Variants in PRAMEF1 observed in about 807,000 individuals in gnomAD.
PRAMEF1 encodes PRAME family member 1.
A neutral mutation model predicts 38.2 loss-of-function variants in PRAMEF1; 21 were observed. The ratio of observed to expected loss-of-function variants is 0.55; its 90% CI spans 0.39 to 0.79. The LOEUF (loss-of-function observed/expected upper bound fraction) is 0.79. PRAMEF1 is among the 30% of genes least tolerant of loss of function. The pLI, the probability that PRAMEF1 is intolerant of heterozygous loss-of-function variation, is 0.00. For synonymous variants in PRAMEF1, 200 were observed against 229.0 expected, an observed-to-expected ratio of 0.87 and a Z score of 1.14; for missense variants, 497 against 565.8, an observed-to-expected ratio of 0.88 and a Z score of 1.23.
Position 12,795,632 on chromosome 1 carries a change from T to C in PRAMEF1, c.1061T>C (p.Leu354Pro), listed in dbSNP as rs769555474. The change falls in exon 4 of 4, where the codon CTC (leucine) becomes CCC (proline). Residue 354 changes from leucine (L) to proline (P), a missense_variant. Leu to Pro is a moderately conservative substitution (Grantham distance 98). Transcript: ENST00000332296. Reference sequence around the variant, plus strand: ...AAAATTGCTGCCTCTCTCAAAACCCTCATCTTGGAGGGCTGTCAGATCCAC... The same window carrying C: ...AAAATTGCTGCCTCTCTCAAAACCCCCATCTTGGAGGGCTGTCAGATCCAC... ...LEKIAASLKT[L>P]ILEGCQIHYS... 1 of 1,611,540 alleles carries C rather than the reference T, an allele frequency of 6.2e-7. No individual in the cohort carries two copies. The highest frequency in any genetic ancestry group is 8.5e-7 in the Non-Finnish European group (1 of 1,179,666).
At position 12,795,520 on chromosome 1, in the gene PRAMEF1, C is replaced by T. The variant is rs368100225; in HGVS notation, c.949C>T (p.Pro317Ser). The change falls in exon 4 of 4, where the codon CCA becomes TCA. Residue 317 changes from proline (P) to serine (S), a missense_variant. Around this residue, in one of 2 missense-constraint regions of PRAMEF1, gnomAD observed 470 missense variants for 501.9 expected, o/e 0.94. Transcript: ENST00000332296. ...EEDMKCLSQY[P>S]SLGYLKHLNL... ...AGACATGAAGTGTCTCTCCCAGTAC[C>T]CAAGCCTCGGTTACCTAAAGCATCT... 1 of 1,612,342 alleles carries T rather than the reference C, an allele frequency of 6.2e-7. No homozygotes were observed. Among genetic ancestry groups the T allele is most frequent in the African/African-American group, 1.3e-5 (1 of 74,734 alleles).
intron 1 of PRAMEF1, 61 bp downstream of exon 1, chr1:12,791,535 G>C (rs1464496449): frequency 2.0e-5 from 3 of 148,102 alleles, no homozygotes; most frequent in Non-Finnish European, 4.5e-5. Context: ...GTCAGGGACG[G>C]TGACACACAT....
Position 12,794,219 on chromosome 1 carries a change from T to C in PRAMEF1, c.592T>C (p.Ser198Pro), listed in dbSNP as rs767710281. The change falls in exon 3 of 4, where the codon TCA becomes CCA. Residue 198 changes from serine to proline, a missense_variant. Coordinates refer to ENST00000332296, the MANE Select transcript of PRAMEF1 (RefSeq NM_023013.4). ...YLTPIKYLRKSLKIIYLNSIQ... is the reference protein window; with the variant it reads ...YLTPIKYLRKPLKIIYLNSIQ... The stretch of plus-strand genomic sequence containing the variant: ...AACGCCGATTAAATATCTCAGAAAG[T>C]CATTGAAAATAATATACCTGAATAG... 4.8e-5 allele frequency: 77 copies of C among 1,611,364 alleles called. 2 individuals are homozygous for C. In the Admixed American group the frequency reaches 1.3e-3, roughly 27 times the overall value.
rs548509747 is a variant in PRAMEF1, at chr1:12,791,468, A to G, written c.-32A>G. ...TCCCAGAACTCTGCGAAGTGAGTCC[A>G]GCGCTGGTAAGTCACCACCTGCTTA... On this transcript the variant is annotated 5_prime_UTR_variant, in exon 1 of 4. Transcript: ENST00000332296. The G allele has an allele frequency of 1.4e-5, 2 of 147,212 alleles. No homozygotes were observed. The highest frequency in any genetic ancestry group is 2.3e-4 in the South Asian group (1 of 4,334). 9.1% of individuals were successfully genotyped at this position (147,212 alleles called of 1,614,324 possible).
chr1:12,794,411 G>A lies in PRAMEF1; in HGVS notation c.784G>A (p.Val262Met). ...EGRLVAKFSS[V>M]FLRLEHLQLL... ...ACGGTTAGTTGCCAAATTCAGCTCT[G>A]TGTTCCTCAGGCTGGAACACCTTCA... The change falls in exon 3 of 4, where the codon GTG becomes ATG. Residue 262 changes from valine to methionine, a missense_variant. Coordinates refer to ENST00000332296, the MANE Select transcript of PRAMEF1 (RefSeq NM_023013.4). 2 of 1,610,586 alleles carry A rather than the reference G, an allele frequency of 1.2e-6. No individual in the cohort carries two copies. The highest frequency in any genetic ancestry group is 2.2e-5 in the East Asian group (1 of 44,498).
Position 12,793,974 on chromosome 1 carries a change from G to C in PRAMEF1, c.347G>C (p.Trp116Ser). 1 of 1,608,914 alleles carries C rather than the reference G, an allele frequency of 6.2e-7. No individual in the cohort carries two copies. Among genetic ancestry groups the C allele is most frequent in the Non-Finnish European group, 8.5e-7 (1 of 1,178,400 alleles). ...RDVDENFWARWPGAWALSCFP... is the reference protein window; with the variant it reads ...RDVDENFWARSPGAWALSCFP... ...GTTGACGAGAATTTCTGGGCCAGAT[G>C]GCCTGGAGCCTGGGCCCTGTCCTGC... Residue 116 changes from tryptophan to serine, a missense_variant, in exon 3 of 4, where the codon TGG becomes TCG. Around this residue, in one of 2 missense-constraint regions of PRAMEF1, gnomAD observed 470 missense variants for 501.9 expected, o/e 0.94. Transcript: ENST00000332296.
chr1:12,794,710 G>A (rs533636427), intron 3 of PRAMEF1: 3 of 1,436,158 alleles, frequency 2.1e-6, no homozygotes, highest in South Asian at 1.4e-5. Flanking sequence ...TGGGGTAGAA[G>A]CTAGAGAGGG....
In PRAMEF1 at chr1:12,795,656, A is replaced by G; in HGVS notation, c.1085A>G (p.His362Arg). ...KTLILEGCQIHYSQLSAILPG... is the reference protein window; with the variant it reads ...KTLILEGCQIRYSQLSAILPG... ...CTCATCTTGGAGGGCTGTCAGATCC[A>G]CTACTCCCAACTCAGTGCCATCCTG... Residue 362 changes from histidine to arginine, a missense_variant, in exon 4 of 4, where the codon CAC becomes CGC. Around this residue, in one of 2 missense-constraint regions of PRAMEF1, gnomAD observed 470 missense variants for 501.9 expected, o/e 0.94. Coordinates refer to ENST00000332296, the MANE Select transcript of PRAMEF1 (RefSeq NM_023013.4). 1 of 1,611,264 alleles carries G rather than the reference A, an allele frequency of 6.2e-7. No homozygotes were observed.
rs201505067 is a variant in PRAMEF1, at chr1:12,793,326, G to T, written c.99G>T (p.Arg33Ser). Residue 33 changes from arginine to serine, a missense_variant, in exon 2 of 4, where the codon AGG becomes AGT. Physicochemically the swap from Arg to Ser is moderately radical, Grantham distance 110. Transcript: ENST00000332296. ...TCTCTGCCATGGAGGAGCTGCCCAG[G>T]GTGCTCTATCTCCCACTCTTCATGG... ...LSISAMEELPRVLYLPLFMEA... is the reference protein window; with the variant it reads ...LSISAMEELPSVLYLPLFMEA... 2 of 1,608,842 alleles carry T rather than the reference G, an allele frequency of 1.2e-6. No homozygotes were observed. The highest frequency in any genetic ancestry group is 2.3e-5 in the East Asian group (1 of 44,390).
At chr1:12,792,144 C>G (rs1639304551) in intron 1 of PRAMEF1, among the ~76,000 whole-genome samples, 1 of 150,906 alleles carries the variant, frequency 6.6e-6, no homozygotes, top group Non-Finnish European at 1.5e-5. Flanking sequence ...GCTTCAGCCT[C>G]CTGAGTAGCT....
At chr1:12,795,309 T>A in intron 3 of PRAMEF1, 129 bp from the exon 4 acceptor site, 1 of 768,742 alleles carries the variant, frequency 1.3e-6, no homozygotes, top group East Asian at 2.7e-5. Context: ...TGCAGCAACT[T>A]CCATGAGGAC....
rs764468920 is a variant in PRAMEF1, at chr1:12,794,165, C to T, written c.538C>T (p.Leu180=). ...TTACCAAAGGAGAGGTTTAGTACAC[C>T]TGTGCTGTAGTAAGCTGGTCAATTA... ...WVYQRRGLVH[L]CCSKLVNYLT... is the part of the protein sequence containing the mutation. Residue 180 remains leucine, a synonymous_variant, in exon 3 of 4, where the codon CTG becomes TTG. Coordinates refer to ENST00000332296, the MANE Select transcript of PRAMEF1 (RefSeq NM_023013.4). 1.2e-6 allele frequency: 2 copies of T among 1,611,194 alleles called. No homozygotes were observed. The highest frequency in any genetic ancestry group is 3.3e-5 in the Admixed American group (2 of 59,826).
At chr1:12,791,978 G>T (rs945161491) in intron 1 of PRAMEF1, among the ~76,000 whole-genome samples, 4 of 151,084 alleles carry the variant, frequency 2.6e-5, no homozygotes, top group African/African-American at 9.7e-5. Context: ...CTTCATCTTA[G>T]AGTTACAGTG....
chr1:12,796,551 A>C lies in PRAMEF1; in HGVS notation c.*555A>C, dbSNP rs1265589368. 6.5e-6 allele frequency: 1 copy of C among 154,902 alleles called. No individual in the cohort carries two copies. Among genetic ancestry groups the C allele is most frequent in the East Asian group, 1.9e-4 (1 of 5,150 alleles). The allele number at this position is 154,902 out of a possible 1,614,324, so 9.6% of individuals were successfully genotyped here. On this transcript the variant is annotated 3_prime_UTR_variant, in exon 4 of 4. Transcript: ENST00000332296. ...GTTATCGAGTTACGGATGGAAAAATAACGAAATACTAATTTGTCTGTGATT... is the reference window on the plus strand; with the variant it reads ...GTTATCGAGTTACGGATGGAAAAATCACGAAATACTAATTTGTCTGTGATT...
intron 2 of PRAMEF1, 129 bp from the exon 3 acceptor site, chr1:12,793,786 G>T (rs1451609627): frequency 2.1e-6 from 3 of 1,421,470 alleles, no homozygotes; most frequent in South Asian, 1.4e-5. Context: ...AGGGAACAGG[G>T]ATTGAGAAAA....
rs759840973 is a variant in PRAMEF1, at chr1:12,794,853, A to G, written c.866+360A>G. On this transcript the variant is annotated intron_variant, in intron 3 of 3. Coordinates refer to ENST00000332296, the MANE Select transcript of PRAMEF1 (RefSeq NM_023013.4). ...TAGAGGAGGGTATGAAAGGAGGGAA[A>G]GCGCATCAAACCTGTCCATTTCACA... 42 of 1,332,190 alleles carry G rather than the reference A, an allele frequency of 3.2e-5. 1 individual carries two copies. In the South Asian group the frequency reaches 4.9e-4, roughly 15 times the overall value. 82.5% of individuals were successfully genotyped at this position (1,332,190 alleles called of 1,614,324 possible).
intron 1 of PRAMEF1, among the ~76,000 whole-genome samples, chr1:12,792,014 T>C (rs1639301669): frequency 1.3e-5 from 2 of 151,146 alleles, no homozygotes; most frequent in South Asian, 2.1e-4. Flanking sequence ...GTAGCACTTT[T>C]ACGGTTTCTG....
At chr1:12,794,695 T>C (rs558735861) in intron 3 of PRAMEF1, 1 of 1,426,516 alleles carries the variant, frequency 7.0e-7, no homozygotes, top group African/African-American at 1.4e-5. Context: ...GGGAGAGGCG[T>C]CACCTGGGGT....
intron 3 of PRAMEF1, 99 bp from the exon 4 acceptor site, chr1:12,795,339 C>T: frequency 8.9e-7 from 1 of 1,122,550 alleles, no homozygotes; most frequent in East Asian, 2.4e-5. Context: ...ATGGTGGGAA[C>T]AAACTTGTGT....
Sources: gnomAD v4.1 joint callset for allele counts (sites outside exome capture counted in the v4.1 genomes callset) on GRCh38, gnomAD v4.1.1 for gene constraint, gnomAD v4.1.1 regional missense constraint, MANE v1.5 for transcripts, NCBI Gene and HGNC (gene_info 2026-07-23, HGNC 2026-07-21) for gene names.